Variants in FSHR observed in about 807,000 individuals in gnomAD.
FSHR encodes the protein follicle-stimulating hormone receptor.
FSHR carries 46 observed loss-of-function variants against 52.1 expected under a neutral mutation model. That is an observed-to-expected ratio of 0.88 (90% CI 0.70 to 1.13). The LOEUF is 1.13. FSHR is among the 50% of genes most tolerant of loss of function. The pLI, the probability that FSHR is intolerant of heterozygous loss-of-function variation, is 0.00. For synonymous variants in FSHR, 399 were observed against 309.6 expected (o/e 1.29, Z -3.03); for missense variants, 964 against 834.6 (o/e 1.16, Z -1.91).
At chr2:49,059,360 C>G (rs1669197115) in intron 2 of FSHR, among the ~76,000 whole-genome samples, 1 of 151,826 alleles carries the variant, frequency 6.6e-6, no homozygotes, top group Non-Finnish European at 1.5e-5. Context: ...ATCAAACTAC[C>G]AGACTTCAAA....
intron 1 of FSHR, among the ~76,000 whole-genome samples, chr2:49,113,624 A>G (rs922963272): frequency 2.5e-4 from 38 of 152,094 alleles, no homozygotes; most frequent in Non-Finnish European, 8.8e-5. Context: ...TGAGAACAAC[A>G]TTTTCTTCAT....
intron 4 of FSHR, among the ~76,000 whole-genome samples, chr2:48,995,120 T>G (rs1675964150): frequency 6.6e-6 from 1 of 152,150 alleles, no homozygotes; most frequent in Non-Finnish European, 1.5e-5. Context: ...TTATTTTTTC[T>G]TGAGTTAACA....
At chr2:48,978,701 G>A (rs1284405956) in intron 8 of FSHR, among the ~76,000 whole-genome samples, 1 of 152,194 alleles carries the variant, frequency 6.6e-6, no homozygotes, top group Non-Finnish European at 1.5e-5. Flanking sequence ...GACTCACAAG[G>A]GGGAAATGAG....
rs564863061 is a variant in FSHR at position 49,106,012 on chromosome 2, T to C, written c.153-37722A>G. Among the ~76,000 whole-genome samples the C allele has an allele frequency of 3.4e-4, 52 of 152,238 alleles. No homozygotes were observed. In the Middle Eastern group the frequency reaches 0.031, roughly 90 times the overall value. On this transcript the variant is annotated intron_variant, in intron 1 of 9. Transcript: ENST00000406846. ...GATCTCAGTTTTCTCCTCTGTAAAA[T>C]GGGCATATGACTATCTGCTCTGCCT... is the stretch of plus-strand genomic sequence containing the variant.
intron 1 of FSHR, among the ~76,000 whole-genome samples, chr2:49,147,477 T>C (rs551740127): frequency 1.3e-5 from 2 of 152,132 alleles, no homozygotes; most frequent in South Asian, 4.1e-4. Flanking sequence ...CTTCTTAGAG[T>C]AGAGGACTTG....
At chr2:49,129,860 G>C (rs1189761204) in intron 1 of FSHR, among the ~76,000 whole-genome samples, 1 of 152,160 alleles carries the variant, frequency 6.6e-6, no homozygotes, top group East Asian at 1.9e-4. Flanking sequence ...AGGAAACTTA[G>C]AGTTGTAAAA....
At chr2:49,141,778 T>A (rs1394099453) in intron 1 of FSHR, among the ~76,000 whole-genome samples, 5 of 108,380 alleles carry the variant, frequency 4.6e-5, no homozygotes, top group African/African-American at 2.0e-4. Context: ...AGATGAAGAG[T>A]TTAGACTTTA....
At position 48,990,563 on chromosome 2, in the gene FSHR, T is replaced by TA; in HGVS notation, c.446+2dup. On this transcript the variant is annotated splice_region_variant and intron_variant, in intron 5 of 9. Coordinates refer to ENST00000406846, the MANE Select transcript of FSHR (RefSeq NM_000145.4). ...TTGGTAGTCACTCAAGGAAAAAACT[T>TA]ACAGTAAAACTTTTTGGAGAGAATG... 1 of 1,600,624 alleles carries TA rather than the reference T, an allele frequency of 6.2e-7. No homozygotes were observed. The highest frequency in any genetic ancestry group is 8.6e-7 in the Non-Finnish European group (1 of 1,167,778).
chr2:49,138,553 T>G (rs1052610351), intron 1 of FSHR, among the ~76,000 whole-genome samples: 10 of 152,174 alleles, frequency 6.6e-5, no homozygotes, highest in Non-Finnish European at 1.0e-4. Flanking sequence ...ACATTATAAT[T>G]TGAATTAACC....
chr2:49,047,856 T>G (rs890413125), intron 2 of FSHR, among the ~76,000 whole-genome samples: 5 of 152,188 alleles, frequency 3.3e-5, no homozygotes, highest in Non-Finnish European at 7.3e-5. Context: ...TGTACACATA[T>G]CAAAACTTCA....
chr2:48,975,450 A>T (rs920339609), intron 8 of FSHR, among the ~76,000 whole-genome samples: 1 of 152,088 alleles, frequency 6.6e-6, no homozygotes, highest in Non-Finnish European at 1.5e-5. Flanking sequence ...TCCCCAGTGC[A>T]TGTCTGTCTC....
intron 4 of FSHR, among the ~76,000 whole-genome samples, chr2:48,993,274 T>C (rs1675867760): frequency 6.6e-6 from 1 of 152,198 alleles, no homozygotes; most frequent in Non-Finnish European, 1.5e-5. Context: ...GAATGTCTCA[T>C]TGACATAGCC....
chr2:48,968,990 T>G (rs1031706009), intron 8 of FSHR, 107 bp from the exon 9 acceptor site: 3 of 1,018,794 alleles, frequency 2.9e-6, no homozygotes, highest in Non-Finnish European at 4.4e-6. Flanking sequence ...CTTACATGGA[T>G]GAGGAGAGAG....
intron 4 of FSHR, among the ~76,000 whole-genome samples, chr2:48,993,100 A>C (rs7599845): frequency 0.015 from 2,317 of 150,840 alleles, 47 homozygotes; most frequent in African/African-American, 0.053. Context: ...CTTTTTCTCT[A>C]TTTGTGCTCT....
At chr2:48,983,248 G>A (rs961187898) in intron 6 of FSHR, 82 bp from the exon 7 acceptor site, 11 of 1,295,836 alleles carry the variant, frequency 8.5e-6, no homozygotes, top group Non-Finnish European at 1.2e-5. Context: ...CACTGAGCAA[G>A]GGCAGACAGC....
chr2:49,114,920 T>C (rs753294901), intron 1 of FSHR, among the ~76,000 whole-genome samples: 17 of 151,828 alleles, frequency 1.1e-4, no homozygotes, highest in Non-Finnish European at 1.8e-4. Flanking sequence ...GGTAAGAAGA[T>C]ATACAGAAAA....
At chr2:48,986,457 C>T (rs991631319) in intron 6 of FSHR, among the ~76,000 whole-genome samples, 3 of 144,470 alleles carry the variant, frequency 2.1e-5, no homozygotes, top group Non-Finnish European at 4.5e-5. Context: ...ACCCCTGCAT[C>T]GAAGCTGCCA....
intron 1 of FSHR, among the ~76,000 whole-genome samples, chr2:49,099,695 A>G (rs977438004): frequency 6.6e-6 from 1 of 152,162 alleles, no homozygotes; most frequent in Non-Finnish European, 1.5e-5. Context: ...AAAGACGGCC[A>G]TATGGAAATG....
At position 49,071,830 on chromosome 2, in the gene FSHR, G is replaced by C. The variant is rs145571148; in HGVS notation, c.153-3540C>G. 4.5e-3 allele frequency among the ~76,000 whole-genome samples: 688 copies of C among 152,210 alleles called. 7 individuals carry two copies. The highest frequency in any genetic ancestry group is 0.013 in the South Asian group (64 of 4,820). ...GATGAGGAAGGGAAGGGAGATGCTA[G>C]GCTCTTTTCAACAATCAGCTCTTGT... On this transcript the variant is annotated intron_variant, in intron 1 of 9. Coordinates refer to ENST00000406846, the MANE Select transcript of FSHR (RefSeq NM_000145.4).
Sources: gnomAD v4.1 joint callset for allele counts (sites outside exome capture counted in the v4.1 genomes callset) on GRCh38, gnomAD v4.1.1 for gene constraint, MANE v1.5 for transcripts, NCBI Gene and HGNC (gene_info 2026-07-23, HGNC 2026-07-21) for gene names.